Variants in SMIM22 observed in about 807,000 individuals in gnomAD.
The protein encoded by SMIM22 is cancer associated small integral membrane open reading frame 1.
SMIM22 carries 16 observed loss-of-function variants against 8.4 expected under a neutral mutation model. That is an observed-to-expected ratio of 1.90 (90% CI 1.29 to 2.89). SMIM22 has a LOEUF of 2.89. Among genes scored for constraint, SMIM22 ranks in the 30% most tolerant of loss-of-function variants. The pLI is 0.00. For synonymous variants in SMIM22, 67 were observed against 47.6 expected, an observed-to-expected ratio of 1.41 and a Z score of -1.68; for missense variants, 159 against 107.5, an observed-to-expected ratio of 1.48 and a Z score of -2.12.
chr16:4,796,375 C>T lies in SMIM22; in HGVS notation c.*144C>T. ...TGGCCACCTGGCCTCTCCAAGCCTT[C>T]AGTCAGCACGACTGTGCCAGGTCAT... On this transcript the variant is annotated 3_prime_UTR_variant, in exon 4 of 4. Transcript: ENST00000586005. 1 of 924,096 alleles carries T rather than the reference C, an allele frequency of 1.1e-6. No individual in the cohort carries two copies. Among genetic ancestry groups the T allele is most frequent in the Non-Finnish European group, 1.6e-6 (1 of 620,424 alleles). The allele number at this position is 924,096 out of a possible 1,614,324, so 57.2% of individuals were successfully genotyped here.
chr16:4,788,740 T>A (rs1422125000), exon 2 of SMIM22: 1 of 152,200 alleles, frequency 6.6e-6, no homozygotes, highest in Non-Finnish European at 1.5e-5. Flanking sequence ...AGCCCAAAGA[T>A]GTTAACTTGT....
chr16:4,792,639 T>C (rs2082569651), upstream of SMIM22, among the ~76,000 whole-genome samples: 1 of 150,564 alleles, frequency 6.6e-6, no homozygotes, highest in African/African-American at 2.4e-5. Context: ...CCGTCTCTAC[T>C]GAAAACACAA....
chr16:4,791,624 T>G (rs1304313116), upstream of SMIM22, among the ~76,000 whole-genome samples: 1 of 152,092 alleles, frequency 6.6e-6, no homozygotes, highest in Non-Finnish European at 1.5e-5. Context: ...CCGGAACCAC[T>G]CCCTGCCACA....
chr16:4,795,348 G>A (rs1432212824), upstream of SMIM22: 4 of 221,472 alleles, frequency 1.8e-5, no homozygotes, highest in East Asian at 1.5e-4. Flanking sequence ...TGGGGAGGGC[G>A]GGGCTGGTTG....
At chr16:4,793,752 G>C (rs1201855678), upstream of SMIM22, among the ~76,000 whole-genome samples, 3 of 151,852 alleles carry the variant, frequency 2.0e-5, no homozygotes, top group African/African-American at 7.3e-5. Flanking sequence ...TATTTACCTA[G>C]CATACATTAT....
rs1051527249 is a variant in SMIM22 at position 4,796,306 on chromosome 16, T to C, written c.*75T>C. On this transcript the variant is annotated 3_prime_UTR_variant, in exon 4 of 4. Coordinates refer to ENST00000586005, the MANE Select transcript of SMIM22 (RefSeq NM_001253794.2). ...AGCCTGAGTCTGCAGTGTCTTCCAG[T>C]CCCCGTCTGGGTGGGTGACGCGGGA... is the stretch of plus-strand genomic sequence containing the variant. 2 of 1,501,820 alleles carry C rather than the reference T, an allele frequency of 1.3e-6. No homozygotes were observed. Among genetic ancestry groups the C allele is most frequent in the Non-Finnish European group, 1.8e-6 (2 of 1,122,966 alleles). The allele number at this position is 1,501,820 out of a possible 1,614,324, so 93.0% of individuals were successfully genotyped here.
upstream of SMIM22, among the ~76,000 whole-genome samples, chr16:4,791,332 G>A (rs566996015): frequency 6.6e-6 from 1 of 152,322 alleles, no homozygotes; most frequent in South Asian, 2.1e-4. Flanking sequence ...GACTATGGTG[G>A]AAGAGGACAA....
upstream of SMIM22, among the ~76,000 whole-genome samples, chr16:4,794,799 T>A (rs145396849): frequency 6.6e-6 from 1 of 152,222 alleles, no homozygotes; most frequent in East Asian, 1.9e-4. Flanking sequence ...AAGTAAGTGA[T>A]CTGCCCAACT....
intron 2 of SMIM22, chr16:4,790,057 G>C (rs577676160): frequency 6.6e-6 from 1 of 152,008 alleles, no homozygotes; most frequent in South Asian, 2.1e-4. Context: ...TGGGACTTCA[G>C]GTACGTAGAC....
In SMIM22 at chr16:4,796,446, G is replaced by C; in HGVS notation, c.*215G>C. On this transcript the variant is annotated 3_prime_UTR_variant, in exon 4 of 4. Transcript: ENST00000586005. ...GGGGAGCTGGTCTCAGGCCGGGCGC[G>C]GTGGCTCACACCTATAATCCCAGCA... 1.7e-6 allele frequency: 1 copy of C among 602,046 alleles called. No homozygotes were observed. The highest frequency in any genetic ancestry group is 2.9e-5 in the East Asian group (1 of 34,714). The allele number at this position is 602,046 out of a possible 1,614,324, so 37.3% of individuals were successfully genotyped here. A position where few individuals can be genotyped will look rare whatever the true frequency, so the allele number is the denominator to read the frequency against.
At chr16:4,794,110 A>G (rs2141896900), upstream of SMIM22, among the ~76,000 whole-genome samples, 1 of 144,146 alleles carries the variant, frequency 6.9e-6, no homozygotes, top group East Asian at 2.1e-4. Flanking sequence ...TAATTTTTGT[A>G]TTATTATTAT....
rs144544941 is a variant in SMIM22 at position 4,790,270 on chromosome 16, A to G, written c.-146+1499A>G. ...TGGTCCTAAGTTCTCTGTTGCAACT[A>G]CTATGCAACTTTTCATTGCAGTGAG... On this transcript the variant is annotated intron_variant, in intron 2 of 5. Transcript: ENST00000589327. Among the ~76,000 whole-genome samples the G allele has an allele frequency of 5.2e-3, 788 of 152,294 alleles. 2 individuals carry two copies. Among genetic ancestry groups the G allele is most frequent in the African/African-American group, 0.018 (753 of 41,576 alleles).
At chr16:4,792,240 G>A (rs1215787991), upstream of SMIM22, among the ~76,000 whole-genome samples, 4 of 151,424 alleles carry the variant, frequency 2.6e-5, no homozygotes, top group Admixed American at 1.3e-4. Context: ...GCCCAGGCTG[G>A]AGTGCAGTGG....
chr16:4,789,983 C>T (rs1325149493), intron 2 of SMIM22: 2 of 151,106 alleles, frequency 1.3e-5, no homozygotes, highest in African/African-American at 4.9e-5. Flanking sequence ...GGCACAATGA[C>T]AGCTCACTGC....
chr16:4,788,421 A>C (rs1050247653), upstream of SMIM22: 2 of 152,604 alleles, frequency 1.3e-5, no homozygotes. Context: ...CCCCACCTGG[A>C]GGCTTCTCTG....
upstream of SMIM22, among the ~76,000 whole-genome samples, chr16:4,791,976 C>T (rs576466034): frequency 1.7e-4 from 26 of 152,104 alleles, no homozygotes; most frequent in African/African-American, 5.8e-4. Context: ...TGTGAGCCAC[C>T]GCGCCTGGCC....
chr16:4,792,802 C>T (rs1275147762), upstream of SMIM22, among the ~76,000 whole-genome samples: 6 of 136,464 alleles, frequency 4.4e-5, no homozygotes, highest in East Asian at 2.1e-4. Context: ...AGCAAGACTC[C>T]GTCTCAAAAA....
chr16:4,795,033 T>G (rs934455855), upstream of SMIM22: 2 of 152,494 alleles, frequency 1.3e-5, no homozygotes, highest in Admixed American at 6.5e-5. Context: ...AACTCTATGA[T>G]GCAGGCACAC....
chr16:4,789,913 C>CTTTTTTTT (rs200769927), intron 2 of SMIM22: 1 of 144,452 alleles, frequency 6.9e-6, no homozygotes, highest in African/African-American at 2.6e-5. Context: ...TCTTTTCTTT[C>CTTTTTTTT]TTTTTTTTTT....
Sources: gnomAD v4.1 joint callset for allele counts (sites outside exome capture counted in the v4.1 genomes callset) on GRCh38, gnomAD v4.1.1 for gene constraint, MANE v1.5 for transcripts, NCBI Gene and HGNC (gene_info 2026-07-23, HGNC 2026-07-21) for gene names.